Variants in GAK observed in about 807,000 individuals in gnomAD.
GAK encodes cyclin-G-associated kinase.
A neutral mutation model predicts 143.9 loss-of-function variants in GAK; 79 were observed. The observed-to-expected ratio is 0.55, with a 90% CI of 0.46 to 0.66. GAK has a LOEUF of 0.66. Among genes scored for constraint, GAK ranks in the 30% least tolerant of loss-of-function variants. The pLI is 0.00. For synonymous variants in GAK, 881 were observed against 765.5 expected (o/e 1.15, Z -2.49); for missense variants, 1,693 against 1,779.7 (o/e 0.95, Z 0.88).
At chr4:870,598 G>T in intron 19 of GAK, 113 bp downstream of exon 19, 1 of 1,083,494 alleles carries the variant, frequency 9.2e-7, no homozygotes, top group Non-Finnish European at 1.4e-6. Flanking sequence ...CTCAGGGCCT[G>T]GGTGCAGCAG....
intron 4 of GAK, among the ~76,000 whole-genome samples, chr4:907,143 G>C (rs753882402): frequency 6.6e-6 from 1 of 152,186 alleles, no homozygotes. Flanking sequence ...AGAGCCGGTC[G>C]GGACCTGCCA....
intron 25 of GAK, chr4:851,290 G>T: frequency 2.1e-6 from 1 of 481,450 alleles, no homozygotes; most frequent in Non-Finnish European, 3.8e-6. Flanking sequence ...TAGAGAGGAG[G>T]TATCACTGTT....
intron 15 of GAK, 113 bp from the exon 16 acceptor site, chr4:877,922 G>GATGT: frequency 1.2e-6 from 1 of 840,962 alleles, no homozygotes; most frequent in Non-Finnish European, 1.8e-6. Flanking sequence ...TTGTAGCAAT[G>GATGT]TTTTAGTTGC....
chr4:863,384 G>A (rs1260908263), intron 23 of GAK, among the ~76,000 whole-genome samples: 1 of 152,230 alleles, frequency 6.6e-6, no homozygotes, highest in Admixed American at 6.5e-5. Context: ...CTGAAATGAG[G>A]CCAAGGGTTT....
chr4:881,791 T>C, intron 15 of GAK, 116 bp downstream of exon 15: 2 of 1,295,760 alleles, frequency 1.5e-6, no homozygotes, highest in Non-Finnish European at 1.0e-6. Context: ...GGGCCTGCCT[T>C]TCCCACCAGC....
At chr4:905,181 T>C (rs1720831484) in intron 4 of GAK, among the ~76,000 whole-genome samples, 1 of 152,202 alleles carries the variant, frequency 6.6e-6, no homozygotes, top group South Asian at 2.1e-4. Context: ...CCCGAGAAGA[T>C]TCTGCATCTG....
In GAK at chr4:866,503, TGAA is replaced by T; in HGVS notation, c.2901_2903del (p.Ser968del). The T allele has an allele frequency of 6.2e-7, 1 of 1,613,896 alleles. No homozygotes were observed. The highest frequency in any genetic ancestry group is 8.5e-7 in the Non-Finnish European group (1 of 1,179,950). ...TGGAGCAGGGCTGGGAGTTGTTGCC[TGAA>T]GACGGCAGAAGCGGGCCAAAGGGGT... On this transcript the variant is annotated inframe_deletion, in exon 22 of 28. Coordinates refer to ENST00000314167, the MANE Select transcript of GAK (RefSeq NM_005255.4).
Position 890,639 on chromosome 4 carries a change from G to A in GAK, c.991-17C>T, listed in dbSNP as rs1010826202. On this transcript the variant is annotated splice_polypyrimidine_tract_variant and intron_variant, in intron 9 of 27. Transcript: ENST00000314167. ...CTCCAGGAGCTGTGACAATGAAAAT[G>A]CAGAGGTCAGTTCTCTAAACTGACA... 3 of 1,599,846 alleles carry A rather than the reference G, an allele frequency of 1.9e-6. No homozygotes were observed. In the Admixed American group the frequency reaches 5.2e-5, roughly 28 times the overall value.
intron 1 of GAK, among the ~76,000 whole-genome samples, chr4:922,324 G>C (rs1226174558): frequency 2.0e-5 from 3 of 151,986 alleles, no homozygotes; most frequent in African/African-American, 7.3e-5. Context: ...AGACCAACCT[G>C]GGAAACATGG....
At chr4:903,719 C>T (rs1019773430) in intron 5 of GAK, among the ~76,000 whole-genome samples, 3 of 134,414 alleles carry the variant, frequency 2.2e-5, no homozygotes, top group Non-Finnish European at 4.8e-5. Context: ...GGGGGGGCGG[C>T]CGAGGAAGGA....
intron 9 of GAK, among the ~76,000 whole-genome samples, chr4:891,150 G>A (rs1216055047): frequency 2.0e-5 from 3 of 152,072 alleles, no homozygotes; most frequent in Non-Finnish European, 4.4e-5. Flanking sequence ...TAGTAGAGAT[G>A]GGGTTTCACC....
intron 23 of GAK, among the ~76,000 whole-genome samples, chr4:861,182 G>C (rs1750213096): frequency 6.6e-6 from 1 of 152,092 alleles, no homozygotes; most frequent in African/African-American, 2.4e-5. Flanking sequence ...ACTGAAATCA[G>C]TCCAATTCAG....
chr4:909,048 T>C (rs1229558078), intron 4 of GAK, among the ~76,000 whole-genome samples: 1 of 152,190 alleles, frequency 6.6e-6, no homozygotes, highest in African/African-American at 2.4e-5. Context: ...GGTTTAGCCA[T>C]GTTGGCCAGG....
chr4:876,275 C>T lies in GAK; in HGVS notation c.2054+255G>A, dbSNP rs570955606. Among the ~76,000 whole-genome samples the T allele has an allele frequency of 1.4e-3, 213 of 152,364 alleles. 2 individuals are homozygous for T. The highest frequency in any genetic ancestry group is 6.8e-3 in the Middle Eastern group (2 of 294). ...CAGCCGCCACCCGCTCACCTGCTTA[C>T]GCCACGCCCGGGTGTGAGGGCTAAA... On this transcript the variant is annotated intron_variant, in intron 18 of 27. Coordinates refer to ENST00000314167, the MANE Select transcript of GAK (RefSeq NM_005255.4).
At chr4:851,250 A>T (rs780413529) in intron 25 of GAK, 166 bp from the exon 26 acceptor site, 4 of 553,356 alleles carry the variant, frequency 7.2e-6, no homozygotes, top group Non-Finnish European at 1.3e-5. Flanking sequence ...GGCATGCGCC[A>T]CCATGCCTGG....
At chr4:911,533 T>G in intron 4 of GAK, 140 bp downstream of exon 4, 1 of 583,144 alleles carries the variant, frequency 1.7e-6, no homozygotes, top group Non-Finnish European at 3.1e-6. Context: ...GTCAGAGAGC[T>G]GCCCGCGCTT....
rs267600280 is a variant in GAK, at chr4:866,479, G to A, written c.2928C>T (p.Ser976=). The change falls in exon 22 of 28, where the codon TCC becomes TCT. Residue 976 remains serine, a synonymous_variant. Coordinates refer to ENST00000314167, the MANE Select transcript of GAK (RefSeq NM_005255.4). ...PSSGNNSQPC[S]NPDLFGEFLN... The stretch of plus-strand genomic sequence containing the variant: ...GAAATTCGCCGAAGAGATCAGGATT[G>A]GAGCAGGGCTGGGAGTTGTTGCCTG... The A allele has an allele frequency of 6.2e-7, 1 of 1,614,122 alleles. No homozygotes were observed. The highest frequency in any genetic ancestry group is 8.5e-7 in the Non-Finnish European group (1 of 1,179,990).
In GAK at chr4:862,823, C is replaced by T. The variant is rs550711033; in HGVS notation, c.3166+2299G>A. On this transcript the variant is annotated intron_variant, in intron 23 of 27. Transcript: ENST00000314167. ...AGATTCCTTTCAAAATATGACTGTT[C>T]GCTGACAATACGGACAATGCAGCTG... Among the ~76,000 whole-genome samples, 217 of 152,292 alleles carry T rather than the reference C, an allele frequency of 1.4e-3. 2 individuals are homozygous for T. The highest frequency in any genetic ancestry group is 0.013 in the Admixed American group (192 of 15,300).
At chr4:894,067 G>C in intron 7 of GAK, 58 bp from the exon 8 acceptor site, 1 of 1,474,124 alleles carries the variant, frequency 6.8e-7, no homozygotes, top group Non-Finnish European at 9.0e-7. Context: ...GTGACGCCTG[G>C]GCCTGCGGGG....
Sources: allele counts gnomAD v4.1 joint callset (sites outside exome capture counted in the v4.1 genomes callset), GRCh38; gene constraint gnomAD v4.1.1; transcripts MANE v1.5; gene names NCBI Gene and HGNC (gene_info 2026-07-23, HGNC 2026-07-21).